Variants in KPNA3 observed in about 807,000 individuals in gnomAD.
The protein encoded by KPNA3 is karyopherin subunit alpha 3.
In KPNA3, 13 loss-of-function variants were observed where a neutral mutation model predicts 73.8. That is an observed-to-expected ratio of 0.18 (90% CI 0.11 to 0.28). The LOEUF is 0.28. Ranked by LOEUF, KPNA3 falls within the 10% of genes least tolerant of loss-of-function variation. The probability of loss-of-function intolerance (pLI) is 1.00; values close to 1 mark genes in which losing one functional copy is unlikely to be tolerated. For synonymous variants in KPNA3, 186 were observed against 206.9 expected (o/e 0.90, Z 0.87); for missense variants, 360 against 618.1 (o/e 0.58, Z 4.43).
At chr13:49,758,120 A>G (rs1316242471) in intron 1 of KPNA3, among the ~76,000 whole-genome samples, 3 of 152,160 alleles carry the variant, frequency 2.0e-5, no homozygotes, top group African/African-American at 4.8e-5. Flanking sequence ...TAAGAAAGAG[A>G]GGACTAAAGA....
intron 1 of KPNA3, among the ~76,000 whole-genome samples, chr13:49,757,044 A>G (rs1954717482): frequency 6.6e-6 from 1 of 152,224 alleles, no homozygotes; most frequent in South Asian, 2.1e-4. Flanking sequence ...ACCTTAAAAA[A>G]AATTTAATTC....
chr13:49,712,324 A>G (rs912770139), intron 10 of KPNA3, among the ~76,000 whole-genome samples: 1 of 152,232 alleles, frequency 6.6e-6, no homozygotes, highest in African/African-American at 2.4e-5. Context: ...CAAGGACTTG[A>G]TAAGATTTTA....
At chr13:49,740,281 T>C (rs996885086) in intron 2 of KPNA3, among the ~76,000 whole-genome samples, 1 of 152,032 alleles carries the variant, frequency 6.6e-6, no homozygotes, top group African/African-American at 2.4e-5. Flanking sequence ...ATGCATTACC[T>C]TACATTTCAT....
chr13:49,728,034 G>A (rs1024303403), intron 6 of KPNA3, among the ~76,000 whole-genome samples: 7 of 152,052 alleles, frequency 4.6e-5, no homozygotes, highest in Non-Finnish European at 1.0e-4. Flanking sequence ...AGGAGATCGA[G>A]ACCATCCTGG....
intron 16 of KPNA3, 34 bp downstream of exon 16, chr13:49,702,352 C>T: frequency 9.3e-7 from 1 of 1,079,046 alleles, no homozygotes; most frequent in Non-Finnish European, 1.4e-6. Context: ...TTTTCATTTA[C>T]ATGAAGATAC....
At chr13:49,712,005 G>A (rs1954264118) in intron 10 of KPNA3, among the ~76,000 whole-genome samples, 1 of 152,152 alleles carries the variant, frequency 6.6e-6, no homozygotes, top group African/African-American at 2.4e-5. Context: ...CTGTGTAAAA[G>A]AGAGGACAGA....
At chr13:49,723,880 AAAAAG>A (rs1449643543) in intron 7 of KPNA3, among the ~76,000 whole-genome samples, 11 of 151,380 alleles carry the variant, frequency 7.3e-5, no homozygotes, top group Non-Finnish European at 1.3e-4. Flanking sequence ...AAAAAAAAAA[AAAAAG>A]AAAAGAAAAA....
intron 11 of KPNA3, among the ~76,000 whole-genome samples, chr13:49,710,198 G>A (rs1452700315): frequency 6.6e-6 from 1 of 152,214 alleles, no homozygotes; most frequent in Non-Finnish European, 1.5e-5. Flanking sequence ...AGAGGCAGAG[G>A]CTGCGGTGAG....
At chr13:49,791,175 T>C (rs937101212) in intron 1 of KPNA3, among the ~76,000 whole-genome samples, 2 of 152,240 alleles carry the variant, frequency 1.3e-5, no homozygotes, top group Admixed American at 6.5e-5. Context: ...AGTTTGTCTG[T>C]TTCTCTACAA....
At chr13:49,760,210 G>A (rs540880018) in intron 1 of KPNA3, among the ~76,000 whole-genome samples, 2 of 152,204 alleles carry the variant, frequency 1.3e-5, no homozygotes, top group African/African-American at 4.8e-5. Flanking sequence ...AGGAGTTCAA[G>A]ACCAGCCTGG....
chr13:49,703,476 G>A lies in KPNA3; in HGVS notation c.1373-996C>T, dbSNP rs185902552. 3.2e-4 allele frequency among the ~76,000 whole-genome samples: 48 copies of A among 152,054 alleles called. 1 individual carries two copies. Among genetic ancestry groups the A allele is most frequent in the African/African-American group, 9.9e-4 (41 of 41,490 alleles). On this transcript the variant is annotated intron_variant, in intron 15 of 16. Coordinates refer to ENST00000261667, the MANE Select transcript of KPNA3 (RefSeq NM_002267.4). ...ATTACAGGAGTGAGCCACTGCACCC[G>A]GCCAATCTTATTAATCTTACTGCCT...
rs780711095 is a variant in KPNA3, at chr13:49,792,530, G to T, written c.-24C>A. 12 of 1,527,128 alleles carry T rather than the reference G, an allele frequency of 7.9e-6. No individual in the cohort carries two copies. Among genetic ancestry groups the T allele is most frequent in the Middle Eastern group, 1.7e-4 (1 of 5,762 alleles). 94.6% of individuals were successfully genotyped at this position (1,527,128 alleles called of 1,614,324 possible). A position where few individuals can be genotyped will look rare whatever the true frequency, so the allele number is the denominator to read the frequency against. On this transcript the variant is annotated 5_prime_UTR_variant, in exon 1 of 17. Transcript: ENST00000261667. ...ATGGCTGCGCGCGGCTCCGGCGGCG[G>T]CTACTCCTGCGGCTGCGGCGGCGGC...
chr13:49,719,314 A>C (rs1566337105), intron 10 of KPNA3, among the ~76,000 whole-genome samples: 1 of 152,148 alleles, frequency 6.6e-6, no homozygotes, highest in Non-Finnish European at 1.5e-5. Flanking sequence ...TGTTATGAGA[A>C]GACTTTAATT....
At chr13:49,741,657 T>C (rs758985761) in intron 2 of KPNA3, among the ~76,000 whole-genome samples, 6 of 152,172 alleles carry the variant, frequency 3.9e-5, no homozygotes, top group Non-Finnish European at 8.8e-5. Flanking sequence ...GTTTCACCCG[T>C]GTTACCCAGG....
At chr13:49,768,278 C>CAAAAA (rs35217633) in intron 1 of KPNA3, among the ~76,000 whole-genome samples, 4 of 94,834 alleles carry the variant, frequency 4.2e-5, no homozygotes, top group African/African-American at 4.3e-5. Context: ...GACTCTGTCT[C>CAAAAA]AAAAAAAAAA....
At chr13:49,780,014 T>G (rs3851162) in intron 1 of KPNA3, among the ~76,000 whole-genome samples, 128,377 of 151,904 alleles carry the variant, frequency 0.85, 54,490 homozygotes, top group East Asian at 1. Flanking sequence ...TTTTCACCTC[T>G]TCTCCTAATA....
intron 15 of KPNA3, among the ~76,000 whole-genome samples, chr13:49,704,434 AAAATAAATAAAT>A (rs58331212): frequency 0.11 from 14,029 of 130,846 alleles, 855 homozygotes; most frequent in South Asian, 0.18. Context: ...AAATAAATAA[AAAATAAATAAAT>A]AAATAAATAA....
At chr13:49,762,869 A>AT (rs1336653101) in intron 1 of KPNA3, among the ~76,000 whole-genome samples, 1 of 151,284 alleles carries the variant, frequency 6.6e-6, no homozygotes, top group Non-Finnish European at 1.5e-5. Flanking sequence ...AATAAAAAAA[A>AT]TAAAATTAAA....
chr13:49,768,203 T>A lies in KPNA3; in HGVS notation c.70-21210A>T, dbSNP rs918858256. Among the ~76,000 whole-genome samples the A allele has an allele frequency of 3.6e-4, 52 of 143,924 alleles. No individual in the cohort carries two copies. The Admixed American group carries it at 3.7e-3, about 10-fold the overall frequency. 94.4% of individuals were successfully genotyped at this position (143,924 alleles called of 152,430 possible). On this transcript the variant is annotated intron_variant, in intron 1 of 16. Coordinates refer to ENST00000261667, the MANE Select transcript of KPNA3 (RefSeq NM_002267.4). ...GTGAGGCAGGAAAATCGCTTGAACC[T>A]GGGAGGCTGAAGCTGCAGTGAGCCA...
Sources: gnomAD v4.1 joint callset for allele counts (sites outside exome capture counted in the v4.1 genomes callset) on GRCh38, gnomAD v4.1.1 for gene constraint, MANE v1.5 for transcripts, NCBI Gene and HGNC (gene_info 2026-07-23, HGNC 2026-07-21) for gene names.